The following WSCD2 variants were observed in gnomAD, a reference collection of about 807,000 sequenced individuals.
WSCD2 encodes sialate:O-sulfotransferase 2.
Under a neutral mutation model 55.7 loss-of-function variants are expected in WSCD2, and 28 were observed. The observed-to-expected ratio is 0.50, with a 90% CI of 0.37 to 0.69. The LOEUF (loss-of-function observed/expected upper bound fraction) is 0.69. Ranked by LOEUF, WSCD2 falls within the 30% of genes least tolerant of loss-of-function variation. The pLI, the probability that WSCD2 is intolerant of heterozygous loss-of-function variation, is 0.00. For missense variants in WSCD2, 616 were observed against 762.1 expected, an observed-to-expected ratio of 0.81 and a Z score of 2.26; for synonymous variants, 301 against 301.9, an observed-to-expected ratio of 1.00 and a Z score of 0.03.
At chr12:108,233,049 C>A in intron 7 of WSCD2, 154 bp downstream of exon 7, 1 of 976,638 alleles carries the variant, frequency 1.0e-6, no homozygotes, top group Non-Finnish European at 1.5e-6. Flanking sequence ...TGCTTGGTAC[C>A]CCCCCACCTT....
intron 1 of WSCD2, among the ~76,000 whole-genome samples, chr12:108,132,031 C>T (rs554323648): frequency 6.6e-6 from 1 of 152,100 alleles, no homozygotes; most frequent in South Asian, 2.1e-4. Flanking sequence ...AAGTGTCTTA[C>T]AGCATTGTGT....
chr12:108,157,218 A>T (rs1325771344), intron 1 of WSCD2, among the ~76,000 whole-genome samples: 4 of 152,246 alleles, frequency 2.6e-5, no homozygotes, highest in Non-Finnish European at 5.9e-5. Context: ...AGCAAAGTAC[A>T]GAGAGTTCCT....
chr12:108,214,875 C>G (rs545078082), intron 4 of WSCD2, among the ~76,000 whole-genome samples: 13 of 152,246 alleles, frequency 8.5e-5, no homozygotes, highest in Admixed American at 8.5e-4. Context: ...TTTTTGTGTA[C>G]TGTTGTTAAT....
At chr12:108,228,176 TTGGA>T (rs762499582) in intron 6 of WSCD2, among the ~76,000 whole-genome samples, 27 of 152,248 alleles carry the variant, frequency 1.8e-4, no homozygotes, top group Middle Eastern at 6.8e-3. Context: ...TGGGTGGCAC[TTGGA>T]TGGGGATTGG....
chr12:108,184,211 G>T (rs1049050649), intron 1 of WSCD2, among the ~76,000 whole-genome samples: 1 of 152,112 alleles, frequency 6.6e-6, no homozygotes, highest in Non-Finnish European at 1.5e-5. Flanking sequence ...CTGGCAGTAG[G>T]TGCTGGCAAC....
chr12:108,191,219 G>A (rs989977077), intron 1 of WSCD2, among the ~76,000 whole-genome samples: 4 of 152,232 alleles, frequency 2.6e-5, no homozygotes, highest in Admixed American at 6.5e-5. Flanking sequence ...ATGGGAGAAC[G>A]TATTTGTAAA....
intron 8 of WSCD2, among the ~76,000 whole-genome samples, chr12:108,243,493 C>T (rs963936881): frequency 6.6e-6 from 1 of 152,178 alleles, no homozygotes; most frequent in Non-Finnish European, 1.5e-5. Flanking sequence ...CTCTGCCTCC[C>T]GAAGTGCTGG....
chr12:108,150,327 A>G (rs1024313887), intron 1 of WSCD2, among the ~76,000 whole-genome samples: 2 of 152,164 alleles, frequency 1.3e-5, no homozygotes, highest in Non-Finnish European at 2.9e-5. Flanking sequence ...CTAATTGTAA[A>G]TAAGTTCTTT....
intron 1 of WSCD2, among the ~76,000 whole-genome samples, chr12:108,169,332 C>T (rs1879983145): frequency 6.6e-6 from 1 of 152,002 alleles, no homozygotes; most frequent in Non-Finnish European, 1.5e-5. Context: ...AACCAATCCC[C>T]CCCACCCCCT....
chr12:108,192,742 C>A (rs1420800379), intron 1 of WSCD2, among the ~76,000 whole-genome samples: 1 of 152,122 alleles, frequency 6.6e-6, no homozygotes, highest in Non-Finnish European at 1.5e-5. Flanking sequence ...GCTCCTTCAC[C>A]CAGAGAATTT....
intron 1 of WSCD2, among the ~76,000 whole-genome samples, chr12:108,170,640 A>C (rs1232288473): frequency 9.2e-5 from 14 of 152,336 alleles, no homozygotes; most frequent in African/African-American, 3.4e-4. Flanking sequence ...CCTATCTATA[A>C]AATGGAAATA....
At chr12:108,151,125 C>T (rs1000652171) in intron 1 of WSCD2, among the ~76,000 whole-genome samples, 3 of 152,146 alleles carry the variant, frequency 2.0e-5, no homozygotes, top group Admixed American at 6.5e-5. Flanking sequence ...CATGAGGTCC[C>T]GCAGATTCAT....
chr12:108,134,687 G>C (rs534609730), intron 1 of WSCD2, among the ~76,000 whole-genome samples: 1 of 152,288 alleles, frequency 6.6e-6, no homozygotes, highest in South Asian at 2.1e-4. Context: ...TACCTATTCA[G>C]AGGTGCATAA....
chr12:108,227,069 A>C lies in WSCD2; in HGVS notation c.884A>C (p.Glu295Ala). ...ACCCGATTCCCGCTCCATGACAGAG[A>C]GGATGAGCAGCTCTGTGCCCAGAAG... ...PTTRFPLHDR[E>A]DEQLCAQKCS... The change falls in exon 6 of 9, where the codon GAG becomes GCG. Residue 295 changes from glutamate to alanine, a missense_variant. Coordinates refer to ENST00000547525, the MANE Select transcript of WSCD2 (RefSeq NM_014653.4). The C allele has an allele frequency of 5.6e-6, 9 of 1,614,178 alleles. No homozygotes were observed. Among genetic ancestry groups the C allele is most frequent in the Non-Finnish European group, 7.6e-6 (9 of 1,180,022 alleles).
chr12:108,227,811 A>G (rs1377293438), intron 6 of WSCD2, among the ~76,000 whole-genome samples: 2 of 152,034 alleles, frequency 1.3e-5, no homozygotes, highest in Non-Finnish European at 2.9e-5. Flanking sequence ...GACGATGGTG[A>G]TGATGATAAT....
chr12:108,208,447 A>C (rs1028908385), intron 3 of WSCD2, among the ~76,000 whole-genome samples: 3 of 152,172 alleles, frequency 2.0e-5, no homozygotes, highest in Non-Finnish European at 4.4e-5. Flanking sequence ...GAAAGTCAAG[A>C]AGATGGAAGG....
At chr12:108,152,376 G>A (rs1396037470) in intron 1 of WSCD2, among the ~76,000 whole-genome samples, 1 of 152,182 alleles carries the variant, frequency 6.6e-6, no homozygotes, top group Non-Finnish European at 1.5e-5. Context: ...GGCTCTGTGT[G>A]CTCCTGGGCA....
chr12:108,214,410 T>C (rs1886593302), intron 4 of WSCD2, among the ~76,000 whole-genome samples: 1 of 152,234 alleles, frequency 6.6e-6, no homozygotes, highest in South Asian at 2.1e-4. Context: ...CTATTCTGCC[T>C]TGACACAGAC....
intron 1 of WSCD2, among the ~76,000 whole-genome samples, chr12:108,166,627 G>A (rs1879621355): frequency 6.6e-6 from 1 of 152,138 alleles, no homozygotes; most frequent in East Asian, 1.9e-4. Context: ...CGGAGGTGAT[G>A]ATGTGTTGGG....
Sources: allele counts gnomAD v4.1 joint callset (sites outside exome capture counted in the v4.1 genomes callset), GRCh38; gene constraint gnomAD v4.1.1; transcripts MANE v1.5; gene names NCBI Gene and HGNC (gene_info 2026-07-23, HGNC 2026-07-21).